The following GRAMD1B variants were observed in gnomAD, a reference collection of about 807,000 sequenced individuals.
GRAMD1B encodes GRAM domain containing 1B.
GRAMD1B carries 37 observed loss-of-function variants against 99.7 expected under a neutral mutation model. The observed-to-expected ratio is 0.37, with a 90% CI of 0.29 to 0.49. The LOEUF (loss-of-function observed/expected upper bound fraction) is 0.49. Among genes scored for constraint, GRAMD1B ranks in the 20% least tolerant of loss-of-function variants. The pLI is 0.98. For synonymous variants in GRAMD1B, 427 were observed against 387.6 expected (o/e 1.10, Z -1.19); for missense variants, 888 against 1,009.2 (o/e 0.88, Z 1.63).
At chr11:123,598,896 A>G (rs776004951) in intron 7 of GRAMD1B, 5 of 1,332,574 alleles carry the variant, frequency 3.8e-6, no homozygotes, top group Non-Finnish European at 5.4e-6. Context: ...CAGCATCTCT[A>G]GGTATCTCTT....
intron 2 of GRAMD1B, among the ~76,000 whole-genome samples, chr11:123,547,670 A>G (rs1348380435): frequency 6.6e-6 from 1 of 152,184 alleles, no homozygotes; most frequent in Non-Finnish European, 1.5e-5. Flanking sequence ...TCTCTCCTTT[A>G]GTCTAAACAT....
intron 2 of GRAMD1B, among the ~76,000 whole-genome samples, chr11:123,481,593 T>A (rs1184843092): frequency 1.3e-5 from 2 of 152,096 alleles, no homozygotes; most frequent in African/African-American, 2.4e-5. Flanking sequence ...ATGTCAGGTG[T>A]TGGATGGTGT....
At chr11:123,457,647 C>T (rs771284553) in intron 1 of GRAMD1B, among the ~76,000 whole-genome samples, 9 of 152,212 alleles carry the variant, frequency 5.9e-5, no homozygotes, top group Non-Finnish European at 1.2e-4. Flanking sequence ...GTGCTGGACC[C>T]AGCCTTATGA....
intron 1 of GRAMD1B, among the ~76,000 whole-genome samples, chr11:123,439,101 G>A (rs1274283151): frequency 6.6e-6 from 1 of 152,206 alleles, no homozygotes. Flanking sequence ...CTGGTGTGAG[G>A]AGGGACATAG....
At chr11:123,567,980 C>T (rs1374650593) in intron 2 of GRAMD1B, among the ~76,000 whole-genome samples, 1 of 151,734 alleles carries the variant, frequency 6.6e-6, no homozygotes, top group Non-Finnish European at 1.5e-5. Flanking sequence ...TCCCTTGTAC[C>T]AAGTAATTCC....
In GRAMD1B at chr11:123,548,365, TACACAC is replaced by T. The variant is rs113307581; in HGVS notation, c.453-28985_453-28980del. On this transcript the variant is annotated intron_variant, in intron 2 of 19. Transcript: ENST00000635736. ...ACACACACACATATATATATATATGTACACACACACACACACACACACCCAGACAGG... is the reference window on the plus strand; with the variant it reads ...ACACACACACATATATATATATATGTACACACACACACACACCCAGACAGG... Among the ~76,000 whole-genome samples, 402 of 129,142 alleles carry T rather than the reference TACACAC, an allele frequency of 3.1e-3. 1 individual carries two copies. Among genetic ancestry groups the T allele is most frequent in the Non-Finnish European group, 5.0e-3 (308 of 61,216 alleles). 84.7% of individuals were successfully genotyped at this position (129,142 alleles called of 152,430 possible).
chr11:123,525,674 G>C (rs1463607626), intron 2 of GRAMD1B: 1 of 180,066 alleles, frequency 5.6e-6, no homozygotes, highest in South Asian at 1.3e-4. Context: ...CCTGGGGGAA[G>C]AGAGGTGCAG....
chr11:123,525,625 C>G (rs1251322657), intron 2 of GRAMD1B: 3 of 164,582 alleles, frequency 1.8e-5, no homozygotes. Flanking sequence ...TTGGGTACTG[C>G]ATTGATTAGG....
At chr11:123,549,681 C>A (rs957411728) in intron 2 of GRAMD1B, among the ~76,000 whole-genome samples, 1 of 152,186 alleles carries the variant, frequency 6.6e-6, no homozygotes, top group Non-Finnish European at 1.5e-5. Flanking sequence ...CATGGTCACG[C>A]AGCAGTGTCA....
At position 123,529,916 on chromosome 11, in the gene GRAMD1B, G is replaced by A. The variant is rs115578672; in HGVS notation, c.453-47451G>A. On this transcript the variant is annotated intron_variant, in intron 2 of 19. Transcript: ENST00000635736. The stretch of plus-strand genomic sequence containing the variant: ...CACATCTGCTGGGCTTGGTAATGCC[G>A]TCTCCAAAGAGCCTGGGGGCTGTGA... Among the ~76,000 whole-genome samples the A allele has an allele frequency of 8.1e-3, 1,225 of 152,132 alleles. 17 individuals carry two copies. The highest frequency in any genetic ancestry group is 0.028 in the African/African-American group (1,155 of 41,474).
At chr11:123,432,015 T>C (rs886664410) in intron 1 of GRAMD1B, 15 of 398,516 alleles carry the variant, frequency 3.8e-5, no homozygotes, top group Non-Finnish European at 5.8e-5. Context: ...TTTGAGACTT[T>C]AGGGTCCTGT....
At position 123,622,527 on chromosome 11, in the gene GRAMD1B, C is replaced by A; in HGVS notation, c.2566C>A (p.Leu856Ile). Residue 856 changes from leucine (L) to isoleucine (I), a missense_variant, in exon 20 of 20, where the codon CTT becomes ATT. Physicochemically the swap from Leu to Ile is conservative, Grantham distance 5. Around this residue, in one of 5 missense-constraint regions of GRAMD1B, gnomAD observed 232 missense variants for 261.7 expected, o/e 0.89. Coordinates refer to ENST00000635736, the MANE Select transcript of GRAMD1B (RefSeq NM_001387025.1). The part of the protein sequence containing the change: ...LDQMKDSLIN[L>I]QNGIRSRDYT... Reference sequence around the variant, plus strand: ...GCAGATGAAGGACTCGCTCATCAACCTTCAGAACGGCATCAGGTCCCGCGA... The same window carrying A: ...GCAGATGAAGGACTCGCTCATCAACATTCAGAACGGCATCAGGTCCCGCGA... 1 of 1,556,688 alleles carries A rather than the reference C, an allele frequency of 6.4e-7. No individual in the cohort carries two copies.
rs1555112798 is a variant in GRAMD1B at position 123,625,973 on chromosome 11, A to AGAGAGC, written c.*3383_*3384insCGAGAG. 2 of 139,748 alleles carry AGAGAGC rather than the reference A, an allele frequency of 1.4e-5. No individual in the cohort carries two copies. Among genetic ancestry groups the AGAGAGC allele is most frequent in the Admixed American group, 7.1e-5 (1 of 13,998 alleles). The allele number at this position is 139,748 out of a possible 1,614,324, so 8.7% of individuals were successfully genotyped here. ...GAGAGAGAGAGAGAGAGAGAGAGAGAGAGAGAGATCGAGCTTGATGTATTG... is the reference window on the plus strand; with the variant it reads ...GAGAGAGAGAGAGAGAGAGAGAGAGAGAGAGCGAGAGAGATCGAGCTTGATGTATTG... On this transcript the variant is annotated 3_prime_UTR_variant, in exon 20 of 20. Coordinates refer to ENST00000635736, the MANE Select transcript of GRAMD1B (RefSeq NM_001387025.1).
intron 6 of GRAMD1B, among the ~76,000 whole-genome samples, chr11:123,595,303 C>CA (rs1274794875): frequency 6.9e-6 from 1 of 144,762 alleles, no homozygotes; most frequent in Non-Finnish European, 1.5e-5. Context: ...TTTTTTTAAA[C>CA]AGAGTTTCAC....
chr11:123,428,535 G>A (rs1236830975), upstream of GRAMD1B, among the ~76,000 whole-genome samples: 3 of 152,208 alleles, frequency 2.0e-5, no homozygotes, highest in Non-Finnish European at 4.4e-5. Context: ...CTCTCTCCCT[G>A]AGGAAGAAAT....
intron 17 of GRAMD1B, among the ~76,000 whole-genome samples, chr11:123,617,890 C>A (rs2137097304): frequency 6.6e-6 from 1 of 152,202 alleles, no homozygotes; most frequent in South Asian, 2.1e-4. Context: ...CCTGGATGAT[C>A]CTTGCCTCCC....
intron 3 of GRAMD1B, chr11:123,578,531 T>A: frequency 1.2e-6 from 1 of 841,042 alleles, no homozygotes; most frequent in Non-Finnish European, 1.9e-6. Flanking sequence ...TTCTGGCCCT[T>A]ATATCCTGCT....
chr11:123,434,127 G>A (rs765744189), intron 1 of GRAMD1B, among the ~76,000 whole-genome samples: 1 of 151,384 alleles, frequency 6.6e-6, no homozygotes, highest in South Asian at 2.1e-4. Flanking sequence ...CTACTCGGGA[G>A]GCTGAGGCAG....
intron 2 of GRAMD1B, among the ~76,000 whole-genome samples, chr11:123,487,863 T>C (rs1938043815): frequency 6.6e-6 from 1 of 152,168 alleles, no homozygotes; most frequent in Non-Finnish European, 1.5e-5. Flanking sequence ...TGCTTCGGCC[T>C]CCCCAAGTTC....
Sources: gnomAD v4.1 joint callset for allele counts (sites outside exome capture counted in the v4.1 genomes callset) on GRCh38, gnomAD v4.1.1 for gene constraint, gnomAD v4.1.1 regional missense constraint, MANE v1.5 for transcripts, NCBI Gene and HGNC (gene_info 2026-07-23, HGNC 2026-07-21) for gene names.